Variants in THSD4 observed in about 807,000 individuals in gnomAD.
The protein encoded by THSD4 is thrombospondin type-1 domain-containing protein 4.
In THSD4, 69 loss-of-function variants were observed where a neutral mutation model predicts 119.0. That is an observed-to-expected ratio of 0.58 (90% CI 0.48 to 0.71). The LOEUF is 0.71. Ranked by LOEUF, THSD4 falls within the 30% of genes least tolerant of loss-of-function variation. The pLI is 0.00. For missense variants in THSD4, 1,393 were observed against 1,391.1 expected (o/e 1.00, Z -0.02); for synonymous variants, 524 against 540.4 (o/e 0.97, Z 0.42).
In THSD4 at chr15:71,727,973, A is replaced by C. The variant is rs370850305; in HGVS notation, c.1358-576A>C. Among the ~76,000 whole-genome samples the C allele has an allele frequency of 1.7e-4, 26 of 152,232 alleles. No individual in the cohort carries two copies. The East Asian group carries it at 2.1e-3, about 12-fold the overall frequency. On this transcript the variant is annotated intron_variant, in intron 8 of 17. Transcript: ENST00000261862. Reference sequence around the variant, plus strand: ...TAGGGTCCATCTGAGAGGGACAGCCATCCTGGGCTCCAGCCGATTGCTGCC... The same window carrying C: ...TAGGGTCCATCTGAGAGGGACAGCCCTCCTGGGCTCCAGCCGATTGCTGCC...
At chr15:71,657,563 T>A (rs1211030561) in intron 7 of THSD4, among the ~76,000 whole-genome samples, 1 of 152,186 alleles carries the variant, frequency 6.6e-6, no homozygotes, top group African/African-American at 2.4e-5. Context: ...ATTTGGTAAC[T>A]CCATGGGAAC....
chr15:71,128,453 G>A (rs1202998698), intron 1 of THSD4, among the ~76,000 whole-genome samples: 3 of 151,490 alleles, frequency 2.0e-5, no homozygotes, highest in African/African-American at 2.4e-5. Flanking sequence ...CTTGAACTCG[G>A]GAGGCAGAGG....
At chr15:71,190,012 T>C (rs1159341535) in intron 3 of THSD4, among the ~76,000 whole-genome samples, 1 of 152,152 alleles carries the variant, frequency 6.6e-6, no homozygotes, top group African/African-American at 2.4e-5. Flanking sequence ...TTTGAGTCTA[T>C]TTTGTGGAGG....
At chr15:71,397,779 C>T (rs989022535) in intron 6 of THSD4, among the ~76,000 whole-genome samples, 1 of 152,216 alleles carries the variant, frequency 6.6e-6, no homozygotes, top group South Asian at 2.1e-4. Context: ...TACTTAACCT[C>T]TCTGAGCCAA....
chr15:71,416,011 G>C (rs2046755416), intron 7 of THSD4, among the ~76,000 whole-genome samples: 1 of 152,106 alleles, frequency 6.6e-6, no homozygotes, highest in South Asian at 2.1e-4. Context: ...TGGCCAGGCT[G>C]GTCTCGAACT....
Position 71,172,729 on chromosome 15 carries a change from A to G in THSD4, c.99+17797A>G, listed in dbSNP as rs1404414752. Among the ~76,000 whole-genome samples, 150 of 101,528 alleles carry G rather than the reference A, an allele frequency of 1.5e-3. 6 individuals carry two copies. Among genetic ancestry groups the G allele is most frequent in the African/African-American group, 6.8e-3 (142 of 20,744 alleles). The allele number at this position is 101,528 out of a possible 152,430, so 66.6% of individuals were successfully genotyped here. A position where few individuals can be genotyped will look rare whatever the true frequency, so the allele number is the denominator to read the frequency against. On this transcript the variant is annotated intron_variant, in intron 3 of 17. Transcript: ENST00000261862. ...TATATATATATATATATATATATAT[A>G]TATATGTGGACAATTGATTTTTTAT...
intron 6 of THSD4, among the ~76,000 whole-genome samples, chr15:71,267,713 C>A (rs938487397): frequency 6.6e-6 from 1 of 152,094 alleles, no homozygotes; most frequent in Non-Finnish European, 1.5e-5. Flanking sequence ...ATTCAGGAGA[C>A]CCATCTCATG....
At chr15:71,274,335 C>G (rs576204447) in intron 6 of THSD4, among the ~76,000 whole-genome samples, 1 of 152,308 alleles carries the variant, frequency 6.6e-6, no homozygotes, top group Admixed American at 6.5e-5. Context: ...ACGCAAGTAT[C>G]ATTCATTCCT....
intron 8 of THSD4, among the ~76,000 whole-genome samples, chr15:71,677,416 C>T (rs1483527559): frequency 6.6e-6 from 1 of 152,164 alleles, no homozygotes; most frequent in African/African-American, 2.4e-5. Flanking sequence ...ACAAAGATTC[C>T]ATGCCAAAGA....
chr15:71,292,331 C>T (rs2044802502), intron 6 of THSD4, among the ~76,000 whole-genome samples: 1 of 152,058 alleles, frequency 6.6e-6, no homozygotes, highest in Non-Finnish European at 1.5e-5. Context: ...TTTTGATGAA[C>T]CCTTTCAAGG....
intron 6 of THSD4, among the ~76,000 whole-genome samples, chr15:71,396,863 G>C (rs13379731): frequency 0.11 from 16,086 of 152,202 alleles, 1,417 homozygotes; most frequent in African/African-American, 0.24. Flanking sequence ...TGGATTTAAT[G>C]TGACATGAGA....
chr15:71,281,752 A>C, intron 6 of THSD4, among the ~76,000 whole-genome samples: 1 of 152,306 alleles, frequency 6.6e-6, no homozygotes, highest in East Asian at 1.9e-4. Context: ...CCATTTGATA[A>C]ATGAGTTTGT....
At position 71,332,892 on chromosome 15, in the gene THSD4, A is replaced by ATTTTTTTTTTT; in HGVS notation, c.1015+76183_1015+76193dup. 1.1e-3 allele frequency among the ~76,000 whole-genome samples: 87 copies of ATTTTTTTTTTT among 76,992 alleles called. 9 individuals carry two copies. The highest frequency in any genetic ancestry group is 3.1e-3 in the African/African-American group (78 of 24,932). 50.5% of individuals were successfully genotyped at this position (76,992 alleles called of 152,430 possible). On this transcript the variant is annotated intron_variant, in intron 6 of 17. Transcript: ENST00000261862. ...TCTTAAAACATTGAGATTTTTTTACATTTTTTTTTTTTTTTTAGTTCATCA... is the reference window on the plus strand; with the variant it reads ...TCTTAAAACATTGAGATTTTTTTACATTTTTTTTTTTTTTTTTTTTTTTTTTTAGTTCATCA...
intron 7 of THSD4, among the ~76,000 whole-genome samples, chr15:71,636,879 A>G (rs1157221222): frequency 6.6e-6 from 1 of 150,842 alleles, no homozygotes; most frequent in Non-Finnish European, 1.5e-5. Flanking sequence ...CTCTCTCTCA[A>G]TATTTTTTTC....
chr15:71,195,921 G>A (rs760726466), intron 3 of THSD4, among the ~76,000 whole-genome samples: 6 of 152,318 alleles, frequency 3.9e-5, no homozygotes, highest in Admixed American at 1.3e-4. Context: ...GCTTATTCAT[G>A]TTGAATAACC....
chr15:71,578,648 C>CT (rs889709403), intron 7 of THSD4, among the ~76,000 whole-genome samples: 2 of 151,818 alleles, frequency 1.3e-5, no homozygotes, highest in African/African-American at 4.8e-5. Flanking sequence ...ATAGTATACT[C>CT]TTAAGTGTAC....
Position 71,215,048 on chromosome 15 carries a change from TGGCGGCGGAGGGCGCCCCCGAGGACGAC to T in THSD4, c.122_149del (p.Glu41AlafsTer24). 2.3e-6 allele frequency: 3 copies of T among 1,289,534 alleles called. No homozygotes were observed. The highest frequency in any genetic ancestry group is 3.0e-6 in the Non-Finnish European group (3 of 1,014,084). The allele number at this position is 1,289,534 out of a possible 1,614,324, so 79.9% of individuals were successfully genotyped here. On this transcript the variant is annotated frameshift_variant, in exon 4 of 18. Coordinates refer to ENST00000261862, the MANE Select transcript of THSD4 (RefSeq NM_024817.3). LOFTEE classifies it high-confidence loss of function. ...CTGTCTCCGCAGGTCCCGCAGCGGATGGCGGCGGAGGGCGCCCCCGAGGACGACGGCGGCGGCGGCGCCCCGGGAGTGT... is the reference window on the plus strand; with the variant it reads ...CTGTCTCCGCAGGTCCCGCAGCGGATGGCGGCGGCGGCGCCCCGGGAGTGT...
chr15:71,526,197 A>T (rs1348340628), intron 7 of THSD4, among the ~76,000 whole-genome samples: 1 of 152,166 alleles, frequency 6.6e-6, no homozygotes, highest in Non-Finnish European at 1.5e-5. Flanking sequence ...AGGACCGTCT[A>T]AAATCTCAGT....
intron 6 of THSD4, among the ~76,000 whole-genome samples, chr15:71,384,409 T>C (rs532853333): frequency 3.7e-4 from 57 of 152,032 alleles, no homozygotes; most frequent in African/African-American, 1.4e-3. Context: ...CATGAAACTA[T>C]TTTGTGTGCC....
Sources: gnomAD v4.1 joint callset for allele counts (sites outside exome capture counted in the v4.1 genomes callset) on GRCh38, gnomAD v4.1.1 for gene constraint, MANE v1.5 for transcripts, NCBI Gene and HGNC (gene_info 2026-07-23, HGNC 2026-07-21) for gene names.